SLC9C2: variants seen among roughly 807,000 people sequenced by gnomAD.
SLC9C2 encodes the protein solute carrier family 9 member C2 (putative).
A neutral mutation model predicts 140.2 loss-of-function variants in SLC9C2; 75 were observed. That is an observed-to-expected ratio of 0.53 (90% CI 0.44 to 0.65). The LOEUF (loss-of-function observed/expected upper bound fraction) is 0.65. Ranked by LOEUF, SLC9C2 falls within the 30% of genes least tolerant of loss-of-function variation. SLC9C2 has a pLI of 0.00. For synonymous variants in SLC9C2, 375 were observed against 420.9 expected (o/e 0.89, Z 1.34); for missense variants, 1,074 against 1,331.8 (o/e 0.81, Z 3.01).
chr1:173,514,922 G>C (rs1223732008), intron 23 of SLC9C2, among the ~76,000 whole-genome samples: 1 of 152,120 alleles, frequency 6.6e-6, no homozygotes, highest in African/African-American at 2.4e-5. Context: ...GCTTAGTTTA[G>C]CTGGATATGA....
At position 173,583,539 on chromosome 1, in the gene SLC9C2, G is replaced by T; in HGVS notation, c.607C>A (p.Arg203=). Residue 203 remains arginine, a synonymous_variant, in exon 6 of 28, where the codon CGG becomes AGG. Transcript: ENST00000367714. ...ATAGAAAAGTGGATTCTGTTGCCCC[G>T]AAAATTTCCAAAAAAAATTGATGCG... is the stretch of plus-strand genomic sequence containing the variant. The part of the protein sequence containing the change: ...SIASIFFGNF[R]GNRIHFSIFR... The T allele has an allele frequency of 6.2e-7, 1 of 1,609,852 alleles. No homozygotes were observed.
At chr1:173,520,045 G>A (rs918636903) in intron 22 of SLC9C2, among the ~76,000 whole-genome samples, 2 of 152,120 alleles carry the variant, frequency 1.3e-5, no homozygotes, top group African/African-American at 4.8e-5. Context: ...CTACTTGGGA[G>A]GTTGAGGCAG....
chr1:173,571,934 T>C (rs1366331796), intron 9 of SLC9C2, among the ~76,000 whole-genome samples: 1 of 152,202 alleles, frequency 6.6e-6, no homozygotes, highest in Non-Finnish European at 1.5e-5. Context: ...ATAGCCACAA[T>C]CATGGCAAAA....
chr1:173,521,293 T>A lies in SLC9C2; in HGVS notation c.2739+8A>T, dbSNP rs779418896. Reference sequence around the variant, plus strand: ...TAAAAAAAAAAAAAAAAATCAATAGTCCCTTACAATTGCCATTCCTGAAAT... The same window carrying A: ...TAAAAAAAAAAAAAAAAATCAATAGACCCTTACAATTGCCATTCCTGAAAT... On this transcript the variant is annotated splice_region_variant and intron_variant, in intron 22 of 27. Coordinates refer to ENST00000367714, the MANE Select transcript of SLC9C2 (RefSeq NM_178527.4). The A allele has an allele frequency of 1.0e-5, 14 of 1,404,458 alleles. No homozygotes were observed. Among genetic ancestry groups the A allele is most frequent in the Admixed American group, 2.5e-5 (1 of 39,270 alleles). 87.0% of individuals were successfully genotyped at this position (1,404,458 alleles called of 1,614,324 possible). A position where few individuals can be genotyped will look rare whatever the true frequency, so the allele number is the denominator to read the frequency against.
chr1:173,535,563 A>C (rs1661888924), intron 15 of SLC9C2, among the ~76,000 whole-genome samples: 1 of 152,180 alleles, frequency 6.6e-6, no homozygotes, highest in Non-Finnish European at 1.5e-5. Flanking sequence ...AGCAGCCCGC[A>C]ACACACTACA....
At chr1:173,509,444 C>CAA (rs35439430) in intron 24 of SLC9C2, 124 bp downstream of exon 24, 8,040 of 740,834 alleles carry the variant, frequency 0.011, no homozygotes, top group East Asian at 0.043. Context: ...GCCTCTGTCT[C>CAA]AAAAAAAAAA....
chr1:173,548,592 G>A (rs754514605), intron 11 of SLC9C2, 40 bp from the exon 12 acceptor site: 306 of 1,609,642 alleles, frequency 1.9e-4, no homozygotes, highest in South Asian at 4.3e-4. Flanking sequence ...ATAGAGTACA[G>A]TGAGGACTGC....
At chr1:173,565,767 A>G (rs1396905944) in intron 9 of SLC9C2, among the ~76,000 whole-genome samples, 1 of 152,172 alleles carries the variant, frequency 6.6e-6, no homozygotes, top group Non-Finnish European at 1.5e-5. Context: ...ATTTTGATAG[A>G]GGTTGCATTG....
Position 173,521,367 on chromosome 1 carries a change from T to G in SLC9C2, c.2673A>C (p.Gly891=). 1 of 1,545,198 alleles carries G rather than the reference T, an allele frequency of 6.5e-7. No homozygotes were observed. The highest frequency in any genetic ancestry group is 8.7e-7 in the Non-Finnish European group (1 of 1,154,186). The change falls in exon 22 of 28, where the codon GGA becomes GGC. Residue 891 remains glycine (G), a synonymous_variant. Transcript: ENST00000367714. ...ERAKLACFDS[G]DTICKGGEMP... is the part of the protein sequence containing the mutation. ...TTTCACCTCCTTTACAAATGGTATCTCCAGAGTCAAAACAGGCAAGTTTGG... is the reference window on the plus strand; with the variant it reads ...TTTCACCTCCTTTACAAATGGTATCGCCAGAGTCAAAACAGGCAAGTTTGG...
chr1:173,587,622 C>T (rs763199202), intron 5 of SLC9C2, 43 bp downstream of exon 5: 115 of 1,495,686 alleles, frequency 7.7e-5, no homozygotes, highest in Non-Finnish European at 9.6e-5. Flanking sequence ...AATAATGTAC[C>T]CTTATATTTT....
chr1:173,539,409 T>C (rs992541994), intron 13 of SLC9C2, among the ~76,000 whole-genome samples: 1 of 152,272 alleles, frequency 6.6e-6, no homozygotes, highest in Non-Finnish European at 1.5e-5. Context: ...GTAAGATTGA[T>C]AGAGCTTGGA....
intron 8 of SLC9C2, among the ~76,000 whole-genome samples, chr1:173,574,867 A>C (rs971927626): frequency 6.6e-6 from 1 of 152,118 alleles, no homozygotes; most frequent in African/African-American, 2.4e-5. Context: ...GCATGTAATC[A>C]CAACATTTTG....
chr1:173,560,639 C>T (rs1338336436), intron 9 of SLC9C2, among the ~76,000 whole-genome samples: 1 of 152,158 alleles, frequency 6.6e-6, no homozygotes, highest in African/African-American at 2.4e-5. Flanking sequence ...AACAACTGTC[C>T]CAACCCTCCC....
intron 18 of SLC9C2, among the ~76,000 whole-genome samples, 154 bp downstream of exon 18, chr1:173,529,751 T>C (rs1661442398): frequency 6.6e-6 from 1 of 151,934 alleles, no homozygotes; most frequent in Admixed American, 6.6e-5. Context: ...CAGAGACTGT[T>C]CTCTGTAGCA....
chr1:173,588,537 T>C lies in SLC9C2; in HGVS notation c.358-707A>G, dbSNP rs573557568. ...TATCTATTGTAACGTCATATGGTTT[T>C]TCTTCTTAAATCTCATAAGAGCATG... On this transcript the variant is annotated intron_variant, in intron 4 of 27. Transcript: ENST00000367714. Among the ~76,000 whole-genome samples the C allele has an allele frequency of 7.9e-5, 12 of 152,338 alleles. No homozygotes were observed. The East Asian group carries it at 2.3e-3, about 29-fold the overall frequency.
At chr1:173,568,334 G>A (rs377001792) in intron 9 of SLC9C2, among the ~76,000 whole-genome samples, 17 of 151,806 alleles carry the variant, frequency 1.1e-4, no homozygotes, top group Middle Eastern at 6.8e-3. Flanking sequence ...CTTTGTATTC[G>A]TAAGTTCTTA....
At chr1:173,509,179 C>T (rs1006916658) in intron 24 of SLC9C2, among the ~76,000 whole-genome samples, 1 of 152,098 alleles carries the variant, frequency 6.6e-6, no homozygotes, top group East Asian at 1.9e-4. Context: ...CACAGTGGCT[C>T]ACGCCTATAA....
chr1:173,598,084 T>G (rs1380962909), intron 3 of SLC9C2, 52 bp from the exon 4 acceptor site: 2 of 1,531,362 alleles, frequency 1.3e-6, no homozygotes, highest in East Asian at 4.7e-5. Flanking sequence ...TTCCAAGTAT[T>G]AGAAACTAGG....
At chr1:173,518,991 C>T (rs761311067) in intron 22 of SLC9C2, among the ~76,000 whole-genome samples, 21 of 152,058 alleles carry the variant, frequency 1.4e-4, no homozygotes, top group Non-Finnish European at 2.2e-4. Flanking sequence ...ATTAAGGTTG[C>T]TAATTGGCTG....
Sources: allele counts gnomAD v4.1 joint callset (sites outside exome capture counted in the v4.1 genomes callset), GRCh38; gene constraint gnomAD v4.1.1; transcripts MANE v1.5; gene names NCBI Gene and HGNC (gene_info 2026-07-23, HGNC 2026-07-21).